The following MBD5 variants were observed in gnomAD, a reference collection of about 807,000 sequenced individuals.
The protein encoded by MBD5 is methyl-CpG-binding domain protein 5.
In MBD5, 13 loss-of-function variants were observed where a neutral mutation model predicts 117.3. That is an observed-to-expected ratio of 0.11 (90% CI 0.07 to 0.18). The LOEUF is 0.18. Ranked by LOEUF, MBD5 falls within the 10% of genes least tolerant of loss-of-function variation. MBD5 has a pLI of 1.00. For missense variants in MBD5, 1,879 were observed against 2,093.8 expected, an observed-to-expected ratio of 0.90 and a Z score of 2.00; for synonymous variants, 727 against 766.4, an observed-to-expected ratio of 0.95 and a Z score of 0.85.
intron 1 of MBD5, among the ~76,000 whole-genome samples, chr2:148,075,082 A>C (rs1228889598): frequency 6.6e-6 from 1 of 152,130 alleles, no homozygotes; most frequent in Non-Finnish European, 1.5e-5. Context: ...TGCAGTAGAA[A>C]AGCTTTGTGG....
intron 3 of MBD5, among the ~76,000 whole-genome samples, chr2:148,325,017 C>T (rs904611760): frequency 6.6e-6 from 1 of 152,130 alleles, no homozygotes; most frequent in East Asian, 1.9e-4. Context: ...CCATCAATAT[C>T]TAATTTGTTG....
intron 3 of MBD5, among the ~76,000 whole-genome samples, chr2:148,328,831 C>T (rs1025065286): frequency 2.6e-4 from 40 of 152,094 alleles, no homozygotes; most frequent in Admixed American, 1.1e-3. Flanking sequence ...AGCTGTAGAC[C>T]GGAGCTGTTC....
chr2:148,215,123 AC>A (rs1699520178), intron 2 of MBD5, among the ~76,000 whole-genome samples: 1 of 152,130 alleles, frequency 6.6e-6, no homozygotes. Flanking sequence ...ATTTTAAGCT[AC>A]TCTAATCTCC....
intron 3 of MBD5, among the ~76,000 whole-genome samples, chr2:148,312,675 G>C (rs1702062241): frequency 6.6e-6 from 1 of 152,126 alleles, no homozygotes; most frequent in South Asian, 2.1e-4. Context: ...CTTGTTCTCT[G>C]TCCAGTTTTG....
chr2:148,486,030 A>C, intron 10 of MBD5, 80 bp downstream of exon 10: 1 of 1,390,338 alleles, frequency 7.2e-7, no homozygotes, highest in Non-Finnish European at 1.0e-6. Flanking sequence ...GAAAGGGTGA[A>C]AAAAGTAGGT....
chr2:148,277,534 C>T (rs1471274246), intron 3 of MBD5, among the ~76,000 whole-genome samples: 13 of 152,010 alleles, frequency 8.6e-5, no homozygotes, highest in Admixed American at 7.9e-4. Context: ...GCTCTGTTGC[C>T]CAAGCTAGTC....
chr2:148,423,517 A>AC (rs1451644936), intron 4 of MBD5, among the ~76,000 whole-genome samples: 2 of 152,174 alleles, frequency 1.3e-5, no homozygotes, highest in Non-Finnish European at 2.9e-5. Context: ...TTTCATCACC[A>AC]CCAGGCCTAC....
At chr2:148,069,856 T>A (rs1695304620) in intron 1 of MBD5, among the ~76,000 whole-genome samples, 1 of 152,150 alleles carries the variant, frequency 6.6e-6, no homozygotes, top group East Asian at 1.9e-4. Flanking sequence ...CAAGTGGTAT[T>A]TTTTTACATA....
At chr2:148,155,633 G>T (rs1697854612) in intron 1 of MBD5, among the ~76,000 whole-genome samples, 1 of 152,132 alleles carries the variant, frequency 6.6e-6, no homozygotes, top group South Asian at 2.1e-4. Context: ...TGGTCACCCA[G>T]CTGGTCTGCT....
At chr2:148,473,591 T>C (rs1680865178) in intron 8 of MBD5, among the ~76,000 whole-genome samples, 1 of 152,142 alleles carries the variant, frequency 6.6e-6, no homozygotes. Context: ...AAATGCTTAG[T>C]TCCATTGGTA....
chr2:148,083,848 G>T (rs1424332310), intron 1 of MBD5, among the ~76,000 whole-genome samples: 3 of 151,966 alleles, frequency 2.0e-5, no homozygotes, highest in Non-Finnish European at 4.4e-5. Flanking sequence ...GAATGCTGTC[G>T]ATCTCCTGAC....
At chr2:148,282,288 C>G (rs1276497002) in intron 3 of MBD5, among the ~76,000 whole-genome samples, 2 of 152,178 alleles carry the variant, frequency 1.3e-5, no homozygotes, top group Admixed American at 1.3e-4. Flanking sequence ...ATATATGATT[C>G]ATTCTATTTA....
intron 3 of MBD5, among the ~76,000 whole-genome samples, chr2:148,306,309 G>A (rs1701892016): frequency 6.6e-6 from 1 of 152,062 alleles, no homozygotes; most frequent in Non-Finnish European, 1.5e-5. Flanking sequence ...TGTAAGCATT[G>A]GCTTATAAAG....
At chr2:148,464,253 A>G (rs1707187450) in intron 7 of MBD5, among the ~76,000 whole-genome samples, 1 of 152,096 alleles carries the variant, frequency 6.6e-6, no homozygotes, top group Non-Finnish European at 1.5e-5. Flanking sequence ...CTGGGGGTGG[A>G]TTGGAATGTG....
chr2:148,509,383 CAT>C (rs757507415), intron 12 of MBD5, among the ~76,000 whole-genome samples: 15 of 152,318 alleles, frequency 9.8e-5, no homozygotes, highest in African/African-American at 2.6e-4. Context: ...TCGGGCCAAA[CAT>C]GTGTAATGGA....
In MBD5 at chr2:148,445,306, G is replaced by A. The variant is rs768901778; in HGVS notation, c.-556-12897G>A. ...CCCCGCTCCCCCCACCCCATGACAG[G>A]CCCCAGTGTGTGATGTTCCCCTTGC... is the stretch of plus-strand genomic sequence containing the variant. On this transcript the variant is annotated intron_variant, in intron 4 of 13. Coordinates refer to ENST00000642680, the MANE Select transcript of MBD5 (RefSeq NM_001378120.1). Among the ~76,000 whole-genome samples, 9 of 150,576 alleles carry A rather than the reference G, an allele frequency of 6.0e-5. 1 individual carries two copies. The highest frequency in any genetic ancestry group is 2.0e-4 in the African/African-American group (8 of 40,122).
chr2:148,253,211 G>C (rs148593393), intron 3 of MBD5, among the ~76,000 whole-genome samples: 69 of 152,252 alleles, frequency 4.5e-4, no homozygotes, highest in African/African-American at 1.6e-3. Flanking sequence ...TACAGACTGA[G>C]AAAATTGATA....
chr2:148,027,838 A>G (rs1693942129), intron 1 of MBD5: 3 of 152,168 alleles, frequency 2.0e-5, no homozygotes, highest in African/African-American at 7.2e-5. Context: ...GTTATATATT[A>G]GAAAAGTTTA....
At chr2:148,252,186 G>A (rs1700481617) in intron 3 of MBD5, among the ~76,000 whole-genome samples, 1 of 152,132 alleles carries the variant, frequency 6.6e-6, no homozygotes. Flanking sequence ...ACACTGTCTG[G>A]TCACGGTGAC....
Sources: allele counts gnomAD v4.1 joint callset (sites outside exome capture counted in the v4.1 genomes callset), GRCh38; gene constraint gnomAD v4.1.1; transcripts MANE v1.5; gene names NCBI Gene and HGNC (gene_info 2026-07-23, HGNC 2026-07-21).